Variants in KDM2A observed in about 807,000 individuals in gnomAD.
The protein encoded by KDM2A is lysine-specific demethylase 2A.
KDM2A carries 3 observed loss-of-function variants against 137.3 expected under a neutral mutation model. The ratio of observed to expected loss-of-function variants is 0.02; its 90% CI spans 0.01 to 0.06. The LOEUF (loss-of-function observed/expected upper bound fraction) is 0.06. Ranked by LOEUF, KDM2A falls within the 10% of genes least tolerant of loss-of-function variation. KDM2A has a pLI of 1.00. For synonymous variants in KDM2A, 512 were observed against 541.5 expected (o/e 0.95, Z 0.76); for missense variants, 738 against 1,510.6 (o/e 0.49, Z 8.48).
chr11:67,202,604 C>G (rs571792133), intron 5 of KDM2A, among the ~76,000 whole-genome samples: 1 of 151,176 alleles, frequency 6.6e-6, no homozygotes, highest in Non-Finnish European at 1.5e-5. Context: ...AACCCCGTCT[C>G]TACTAAAAAT....
intron 12 of KDM2A, among the ~76,000 whole-genome samples, chr11:67,233,393 C>A (rs574239260): frequency 7.0e-6 from 1 of 143,206 alleles, no homozygotes; most frequent in African/African-American, 2.6e-5. Context: ...ATGTCTCATG[C>A]CTGTAATCCC....
intron 12 of KDM2A, among the ~76,000 whole-genome samples, chr11:67,241,706 C>T (rs1366540794): frequency 6.6e-6 from 1 of 152,110 alleles, no homozygotes; most frequent in East Asian, 1.9e-4. Context: ...TGCTTTAGGG[C>T]TCATAAGGTC....
chr11:67,222,786 T>C (rs1445168987), intron 10 of KDM2A, among the ~76,000 whole-genome samples: 1 of 149,574 alleles, frequency 6.7e-6, no homozygotes, highest in African/African-American at 2.5e-5. Flanking sequence ...CTGGGTCTTA[T>C]ACACTGGTTC....
At chr11:67,240,470 G>C (rs1482475990) in intron 12 of KDM2A, 5 of 973,186 alleles carry the variant, frequency 5.1e-6, no homozygotes, top group African/African-American at 1.6e-5. Flanking sequence ...TGCCGGGCGA[G>C]TCCAGGACAA....
Position 67,228,134 on chromosome 11 carries a change from A to T in KDM2A, c.1055A>T (p.Lys352Met). Residue 352 changes from lysine (K) to methionine (M), a missense_variant, in exon 11 of 21, where the codon AAG becomes ATG. This residue lies in a region of KDM2A where 113 missense variants were observed against 133.5 expected (regional missense o/e 0.85). Coordinates refer to ENST00000529006, the MANE Select transcript of KDM2A (RefSeq NM_012308.3). ...ATAACCAACCGTTCCCACCTAACTA[A>T]GGAATTTCAGAAAGAGTCCCTCAGC... The part of the protein sequence containing the change: ...YCITNRSHLT[K>M]EFQKESLSMD... 1 of 1,613,860 alleles carries T rather than the reference A, an allele frequency of 6.2e-7. No individual in the cohort carries two copies. The highest frequency in any genetic ancestry group is 2.2e-5 in the East Asian group (1 of 44,876).
intron 5 of KDM2A, among the ~76,000 whole-genome samples, chr11:67,198,697 GAGACTCT>G (rs1318774267): frequency 1.3e-5 from 2 of 148,274 alleles, no homozygotes; most frequent in African/African-American, 2.5e-5. Flanking sequence ...GTGACAGAGT[GAGACTCT>G]GTCTCAAAAA....
At chr11:67,244,497 A>T (rs1859145284) in intron 13 of KDM2A, among the ~76,000 whole-genome samples, 1 of 152,044 alleles carries the variant, frequency 6.6e-6, no homozygotes, top group Non-Finnish European at 1.5e-5. Context: ...GGTACATGGC[A>T]CTTGATACAG....
At chr11:67,201,342 A>G (rs955197105) in intron 5 of KDM2A, among the ~76,000 whole-genome samples, 9 of 151,982 alleles carry the variant, frequency 5.9e-5, no homozygotes, top group Non-Finnish European at 1.2e-4. Flanking sequence ...TGTAGATGCC[A>G]TTAAGAACAT....
At chr11:67,139,991 A>C (rs562146197) in intron 2 of KDM2A, among the ~76,000 whole-genome samples, 3 of 152,208 alleles carry the variant, frequency 2.0e-5, no homozygotes, top group African/African-American at 7.2e-5. Flanking sequence ...GGCGTGAGCC[A>C]CCGCACCTGG....
chr11:67,120,789 TAGTC>T (rs1198363545), intron 1 of KDM2A, among the ~76,000 whole-genome samples: 1 of 152,200 alleles, frequency 6.6e-6, no homozygotes, highest in Non-Finnish European at 1.5e-5. Context: ...TCTTTTTACA[TAGTC>T]AGTTTGCCCT....
rs1464562048 is a variant in KDM2A at position 67,255,998 on chromosome 11, C to T, written c.*943C>T. 5.7e-6 allele frequency: 1 copy of T among 175,662 alleles called. No individual in the cohort carries two copies. The highest frequency in any genetic ancestry group is 1.2e-5 in the Non-Finnish European group (1 of 82,042). 10.9% of individuals were successfully genotyped at this position (175,662 alleles called of 1,614,324 possible). On this transcript the variant is annotated 3_prime_UTR_variant, in exon 21 of 21. Coordinates refer to ENST00000529006, the MANE Select transcript of KDM2A (RefSeq NM_012308.3). ...AGGCGGCAGAGGACTGGGCCAAGCC[C>T]CAACCTGCCTCCCAGCCAGGCTCCT...
chr11:67,149,790 G>A (rs998891474), intron 2 of KDM2A, among the ~76,000 whole-genome samples: 2 of 147,774 alleles, frequency 1.4e-5, no homozygotes, highest in Admixed American at 6.9e-5. Context: ...ATACGATCTC[G>A]GCTCACTGCA....
At chr11:67,150,613 A>G (rs1856362322) in intron 2 of KDM2A, among the ~76,000 whole-genome samples, 1 of 152,192 alleles carries the variant, frequency 6.6e-6, no homozygotes, top group South Asian at 2.1e-4. Flanking sequence ...AGGGCTGGCC[A>G]TAGTTACTAA....
At chr11:67,247,071 A>AT (rs1156333048) in intron 15 of KDM2A, among the ~76,000 whole-genome samples, 16 of 16,790 alleles carry the variant, frequency 9.5e-4, no homozygotes, top group Admixed American at 1.5e-3. Context: ...ATATATATAT[A>AT]TTTTTTTTTT....
chr11:67,160,344 T>G (rs776130082), intron 2 of KDM2A, among the ~76,000 whole-genome samples: 3 of 152,178 alleles, frequency 2.0e-5, no homozygotes, highest in Admixed American at 6.6e-5. Context: ...AGGAAGAGAT[T>G]ATAGCTTGAA....
Position 67,231,248 on chromosome 11 carries a change from T to C in KDM2A, c.1085-318T>C, listed in dbSNP as rs183333901. ...AAATAATAATCCCAGATTCAAGCTT[T>C]AACTTGAAACTGACTTTACAACCAC... On this transcript the variant is annotated intron_variant, in intron 11 of 20. Transcript: ENST00000529006. Among the ~76,000 whole-genome samples, 4 of 152,284 alleles carry C rather than the reference T, an allele frequency of 2.6e-5. No individual in the cohort carries two copies. The East Asian group carries it at 7.7e-4, about 29-fold the overall frequency.
intron 2 of KDM2A, among the ~76,000 whole-genome samples, chr11:67,133,564 G>T (rs1452237980): frequency 6.6e-6 from 1 of 151,544 alleles, no homozygotes; most frequent in Admixed American, 6.6e-5. Flanking sequence ...CACCACGCCC[G>T]GCCAATTTTT....
At chr11:67,213,427 A>C (rs755603452) in intron 6 of KDM2A, among the ~76,000 whole-genome samples, 1 of 152,086 alleles carries the variant, frequency 6.6e-6, no homozygotes, top group Non-Finnish European at 1.5e-5. Flanking sequence ...AATGTTGCGT[A>C]TTGCTTTCAC....
chr11:67,230,592 C>G (rs560415928), intron 11 of KDM2A, among the ~76,000 whole-genome samples: 2 of 151,866 alleles, frequency 1.3e-5, no homozygotes, highest in South Asian at 4.2e-4. Context: ...CATCACTGCA[C>G]TCCAGCCTGG....
Sources: allele counts gnomAD v4.1 joint callset (sites outside exome capture counted in the v4.1 genomes callset), GRCh38; gene constraint gnomAD v4.1.1; regional missense constraint gnomAD v4.1.1; transcripts MANE v1.5; gene names NCBI Gene and HGNC (gene_info 2026-07-23, HGNC 2026-07-21).